FLT3: variants seen among roughly 807,000 people sequenced by gnomAD.
FLT3 encodes receptor-type tyrosine-protein kinase FLT3.
FLT3 carries 46 observed loss-of-function variants against 126.6 expected under a neutral mutation model. The observed-to-expected ratio is 0.36, with a 90% confidence interval of 0.29 to 0.46. The LOEUF (loss-of-function observed/expected upper bound fraction) is 0.46. Among genes scored for constraint, FLT3 ranks in the 20% least tolerant of loss-of-function variants. The pLI, the probability that FLT3 is intolerant of heterozygous loss-of-function variation, is 1.00. For missense variants in FLT3, 1,069 were observed against 1,190.3 expected (o/e 0.90, Z 1.50); for synonymous variants, 404 against 434.4 (o/e 0.93, Z 0.87).
intron 20 of FLT3, among the ~76,000 whole-genome samples, chr13:28,017,944 A>T (rs1566059679): frequency 6.6e-6 from 1 of 152,116 alleles, no homozygotes; most frequent in African/African-American, 2.4e-5. Flanking sequence ...GATTACAGGC[A>T]TGAGCCACTG....
At position 28,054,530 on chromosome 13, in the gene FLT3, T is replaced by G. The variant is rs1031537171; in HGVS notation, c.485-1856A>C. Among the ~76,000 whole-genome samples, 5 of 151,876 alleles carry G rather than the reference T, an allele frequency of 3.3e-5. No homozygotes were observed. In the East Asian group the frequency reaches 9.6e-4, roughly 29 times the overall value. On this transcript the variant is annotated intron_variant, in intron 4 of 23. Coordinates refer to ENST00000241453, the MANE Select transcript of FLT3 (RefSeq NM_004119.3). ...TGAGCCCAGGAGTTCGAGACCAGCC[T>G]AGGTAACATGCCAAAACCCCGTCTC... is the stretch of plus-strand genomic sequence containing the variant.
intron 1 of FLT3, among the ~76,000 whole-genome samples, chr13:28,073,866 G>T (rs1877739042): frequency 6.6e-6 from 1 of 150,892 alleles, no homozygotes; most frequent in South Asian, 2.1e-4. Flanking sequence ...CTTGAGGCCA[G>T]GAGTTTGAAG....
At chr13:28,013,514 T>G (rs989827373) in intron 23 of FLT3, among the ~76,000 whole-genome samples, 2 of 152,202 alleles carry the variant, frequency 1.3e-5, no homozygotes, top group Non-Finnish European at 2.9e-5. Context: ...GAGCCCAAGG[T>G]TCTCTCCTTT....
At chr13:28,071,511 CT>C (rs983692304) in intron 1 of FLT3, among the ~76,000 whole-genome samples, 12 of 152,214 alleles carry the variant, frequency 7.9e-5, no homozygotes, top group African/African-American at 2.9e-4. Flanking sequence ...CTTCTCTCCT[CT>C]TTACTTTCTG....
intron 2 of FLT3, among the ~76,000 whole-genome samples, chr13:28,067,422 C>T (rs1311155888): frequency 6.6e-6 from 1 of 152,094 alleles, no homozygotes; most frequent in Non-Finnish European, 1.5e-5. Context: ...GATAAATGCA[C>T]AGTACAGAGG....
chr13:28,070,495 G>A lies in FLT3; in HGVS notation c.161C>T (p.Pro54Leu), dbSNP rs1357370556. The change falls in exon 2 of 24, where the codon CCC becomes CTC. Residue 54 changes from proline (P) to leucine (L), a missense_variant. Pro to Leu is a moderately conservative substitution (Grantham distance 98, BLOSUM62 -3). Transcript: ENST00000241453. ...ATAATTTTAATGTTACTTTACCATG[G>A]GATATGATGATGACTTCCCCACTGA... ...DSSVGKSSSY[P>L]MVSESPEDLG... 1 of 1,609,248 alleles carries A rather than the reference G, an allele frequency of 6.2e-7. No homozygotes were observed. Among genetic ancestry groups the A allele is most frequent in the East Asian group, 2.2e-5 (1 of 44,798 alleles).
intron 8 of FLT3, 123 bp downstream of exon 8, chr13:28,049,259 TCA>T: frequency 1.1e-6 from 1 of 917,806 alleles, no homozygotes; most frequent in Non-Finnish European, 1.7e-6. Flanking sequence ...CTATTCTAAC[TCA>T]GTTTCTTTCT....
intron 23 of FLT3, among the ~76,000 whole-genome samples, chr13:28,011,917 C>A (rs1194204867): frequency 2.6e-5 from 4 of 152,090 alleles, no homozygotes; most frequent in Admixed American, 6.5e-5. Flanking sequence ...TCTGCCTCAG[C>A]CTCCCGAGTA....
In FLT3 at chr13:28,057,359, C is replaced by A; in HGVS notation, c.472G>T (p.Val158Leu). The A allele has an allele frequency of 7.2e-7, 1 of 1,384,464 alleles. No homozygotes were observed. Among genetic ancestry groups the A allele is most frequent in the Non-Finnish European group, 1.0e-6 (1 of 970,246 alleles). 85.8% of individuals were successfully genotyped at this position (1,384,464 alleles called of 1,614,324 possible). A position where few individuals can be genotyped will look rare whatever the true frequency, so the allele number is the denominator to read the frequency against. ...EATNYTILFT[V>L]SIRNTLLYTL... is the part of the protein sequence containing the mutation. Reference sequence around the variant, plus strand: ...AGGCTGGACTTACTTCTTATACTCACTGTAAACAATATTGTGTAATTGGTA... The same window carrying A: ...AGGCTGGACTTACTTCTTATACTCAATGTAAACAATATTGTGTAATTGGTA... The change falls in exon 4 of 24, where the codon GTG becomes TTG. Residue 158 changes from valine to leucine, a missense_variant. Coordinates refer to ENST00000241453, the MANE Select transcript of FLT3 (RefSeq NM_004119.3).
At chr13:28,004,746 A>G (rs1363995404) in intron 23 of FLT3, among the ~76,000 whole-genome samples, 1 of 152,250 alleles carries the variant, frequency 6.6e-6, no homozygotes, top group East Asian at 1.9e-4. Flanking sequence ...TGGTCCTTTT[A>G]TTAATGGAGA....
At chr13:28,035,062 G>A (rs547840235) in intron 12 of FLT3, among the ~76,000 whole-genome samples, 2 of 152,256 alleles carry the variant, frequency 1.3e-5, no homozygotes, top group East Asian at 3.9e-4. Context: ...TGTGAGGTTG[G>A]TGATCCTAAC....
intron 12 of FLT3, among the ~76,000 whole-genome samples, chr13:28,034,932 G>A (rs1419433069): frequency 3.9e-5 from 4 of 103,030 alleles, no homozygotes; most frequent in South Asian, 3.6e-4. Context: ...GTGACAGAGC[G>A]AGTCTCCATC....
intron 9 of FLT3, among the ~76,000 whole-genome samples, chr13:28,044,192 T>C (rs1406913030): frequency 6.7e-6 from 1 of 148,878 alleles, no homozygotes; most frequent in East Asian, 2.0e-4. Context: ...TTCATACCTG[T>C]AATCCCAGCA....
rs1026026391 is a variant in FLT3 at position 28,064,409 on chromosome 13, C to T, written c.166-2340G>A. ...CCAAGATGGTGAGACCCTGTCTGTA[C>T]TAAAAATATAAAAATTAGCCGAGTG... is the stretch of plus-strand genomic sequence containing the variant. On this transcript the variant is annotated intron_variant, in intron 2 of 23. Coordinates refer to ENST00000241453, the MANE Select transcript of FLT3 (RefSeq NM_004119.3). Among the ~76,000 whole-genome samples the T allele has an allele frequency of 2.6e-5, 4 of 152,036 alleles. No individual in the cohort carries two copies. The East Asian group carries it at 7.7e-4, about 29-fold the overall frequency.
chr13:28,044,294 C>CA (rs1296232039), intron 9 of FLT3, among the ~76,000 whole-genome samples: 3 of 151,446 alleles, frequency 2.0e-5, no homozygotes, highest in South Asian at 2.1e-4. Flanking sequence ...ACTAAAAATA[C>CA]AAAAAAATAG....
intron 19 of FLT3, among the ~76,000 whole-genome samples, chr13:28,021,283 G>A (rs1330674415): frequency 3.3e-5 from 5 of 152,138 alleles, no homozygotes; most frequent in African/African-American, 1.2e-4. Flanking sequence ...CCAGCTACTT[G>A]GGAAGCCAAG....
At position 28,004,185 on chromosome 13, in the gene FLT3, G is replaced by A. The variant is rs2137578602; in HGVS notation, c.2860-11C>T. Reference sequence around the variant, plus strand: ...CACATTCTGATACATCTGAATGTGGGAAAGAGACAGAACACTGATTACCAT... The same window carrying A: ...CACATTCTGATACATCTGAATGTGGAAAAGAGACAGAACACTGATTACCAT... On this transcript the variant is annotated splice_polypyrimidine_tract_variant and intron_variant, in intron 23 of 23. Coordinates refer to ENST00000241453, the MANE Select transcript of FLT3 (RefSeq NM_004119.3). 1.2e-6 allele frequency: 2 copies of A among 1,613,472 alleles called. No individual in the cohort carries two copies. The highest frequency in any genetic ancestry group is 1.7e-6 in the Non-Finnish European group (2 of 1,179,628).
In FLT3 at chr13:28,093,850, G is replaced by C. The variant is rs532756197; in HGVS notation, c.43+6618C>G. ...TACTTTGAGGGCAGGAAACAGTACT[G>C]TGTAGCATTTAACACAGGTCCTAGA... On this transcript the variant is annotated intron_variant, in intron 1 of 23. Coordinates refer to ENST00000241453, the MANE Select transcript of FLT3 (RefSeq NM_004119.3). Among the ~76,000 whole-genome samples, 4 of 152,150 alleles carry C rather than the reference G, an allele frequency of 2.6e-5. No individual in the cohort carries two copies. The South Asian group carries it at 8.3e-4, about 32-fold the overall frequency.
At chr13:28,081,565 T>C (rs1878310556) in intron 1 of FLT3, among the ~76,000 whole-genome samples, 1 of 152,222 alleles carries the variant, frequency 6.6e-6, no homozygotes. Flanking sequence ...GTTTTACATC[T>C]TCCTTTTCAA....
Sources: allele counts gnomAD v4.1 joint callset (sites outside exome capture counted in the v4.1 genomes callset), GRCh38; gene constraint gnomAD v4.1.1; transcripts MANE v1.5; gene names NCBI Gene and HGNC (gene_info 2026-07-23, HGNC 2026-07-21).